Variants in PLXNA2 observed in about 807,000 individuals in gnomAD.
The protein encoded by PLXNA2 is plexin A2.
A neutral mutation model predicts 193.5 loss-of-function variants in PLXNA2; 91 were observed. The ratio of observed to expected loss-of-function variants is 0.47; its 90% CI spans 0.40 to 0.56. The LOEUF (loss-of-function observed/expected upper bound fraction) is 0.56, where lower values mean the gene tolerates loss of function less well. Among genes scored for constraint, PLXNA2 ranks in the 20% least tolerant of loss-of-function variants. The pLI is 0.00. For missense variants in PLXNA2, 1,995 were observed against 2,503.2 expected (o/e 0.80, Z 4.33); for synonymous variants, 997 against 1,027.3 (o/e 0.97, Z 0.56).
chr1:208,033,136 T>C (rs1664558924), intron 28 of PLXNA2, among the ~76,000 whole-genome samples, 183 bp downstream of exon 28: 1 of 151,660 alleles, frequency 6.6e-6, no homozygotes, highest in African/African-American at 2.4e-5. Context: ...GCTCAAGGCA[T>C]CCTTCTGCCT....
intron 1 of PLXNA2, among the ~76,000 whole-genome samples, chr1:208,238,880 T>C (rs1220532654): frequency 6.6e-6 from 1 of 152,220 alleles, no homozygotes; most frequent in African/African-American, 2.4e-5. Context: ...AAGGGCCTTT[T>C]GGCGGGCCAG....
intron 4 of PLXNA2, among the ~76,000 whole-genome samples, chr1:208,105,199 G>A (rs1383827767): frequency 1.3e-5 from 2 of 152,186 alleles, no homozygotes; most frequent in East Asian, 1.9e-4. Context: ...ATGAACCTGG[G>A]ATGTTTATTT....
chr1:208,039,635 CG>C lies in PLXNA2; in HGVS notation c.4485del (p.Ile1495MetfsTer6), dbSNP rs1265008454. 1 of 1,613,854 alleles carries C rather than the reference CG, an allele frequency of 6.2e-7. No individual in the cohort carries two copies. Among genetic ancestry groups the C allele is most frequent in the Non-Finnish European group, 8.5e-7 (1 of 1,180,054 alleles). Reference protein sequence around the residue: ...LSEDKLIRQQIEYKTLILNCV... With the variant: ...LSEDKLIRQQXEYKTLILNCV... ...GGCTTCCTCACCAGGGTCTTGTACT[CG>C]ATCTGCTGCCGGATGAGCTTGTCCT... On this transcript the variant is annotated frameshift_variant, in exon 24 of 32. Coordinates refer to ENST00000367033, the MANE Select transcript of PLXNA2 (RefSeq NM_025179.4). LOFTEE classifies it high-confidence loss of function.
intron 3 of PLXNA2, among the ~76,000 whole-genome samples, chr1:208,170,464 A>C (rs1669460299): frequency 6.6e-6 from 1 of 152,192 alleles, no homozygotes; most frequent in Non-Finnish European, 1.5e-5. Context: ...GAGGAGAGGC[A>C]CAGCCACCCA....
At position 208,039,255 on chromosome 1, in the gene PLXNA2, T is replaced by G. The variant is rs182149089; in HGVS notation, c.4501-271A>C. ...CTTAGGGGAGACTATAGTCCTGGAATGAGGCACCCTCAGTGTTTAGAGATG... is the reference window on the plus strand; with the variant it reads ...CTTAGGGGAGACTATAGTCCTGGAAGGAGGCACCCTCAGTGTTTAGAGATG... On this transcript the variant is annotated intron_variant, in intron 24 of 31. Coordinates refer to ENST00000367033, the MANE Select transcript of PLXNA2 (RefSeq NM_025179.4). 1.8e-4 allele frequency among the ~76,000 whole-genome samples: 28 copies of G among 152,298 alleles called. No homozygotes were observed. The East Asian group carries it at 5.0e-3, about 27-fold the overall frequency.
At chr1:208,069,685 T>C (rs1665919371) in intron 12 of PLXNA2, among the ~76,000 whole-genome samples, 1 of 152,080 alleles carries the variant, frequency 6.6e-6, no homozygotes, top group Non-Finnish European at 1.5e-5. Flanking sequence ...GAGTAGGGGC[T>C]TATCGGGGCA....
intron 3 of PLXNA2, among the ~76,000 whole-genome samples, chr1:208,164,642 A>G (rs1394819635): frequency 6.6e-6 from 1 of 152,226 alleles, no homozygotes; most frequent in African/African-American, 2.4e-5. Flanking sequence ...GAAAACACCT[A>G]AGATAGAGAA....
chr1:208,229,963 T>G (rs932892774), intron 1 of PLXNA2, among the ~76,000 whole-genome samples: 1 of 152,234 alleles, frequency 6.6e-6, no homozygotes, highest in African/African-American at 2.4e-5. Flanking sequence ...TCAAGTCTCA[T>G]TCTATCACTT....
intron 29 of PLXNA2, chr1:208,031,092 G>A (rs927181202): frequency 2.0e-6 from 2 of 995,088 alleles, no homozygotes; most frequent in African/African-American, 1.7e-5. Flanking sequence ...CAAGTCTATA[G>A]CAGGTGTGAA....
chr1:208,219,836 G>A (rs927355232), intron 1 of PLXNA2, among the ~76,000 whole-genome samples: 4 of 152,166 alleles, frequency 2.6e-5, no homozygotes, highest in African/African-American at 9.7e-5. Context: ...GCTGACCTCA[G>A]CTACTCCGAC....
At position 208,142,431 on chromosome 1, in the gene PLXNA2, G is replaced by A. The variant is rs1255091731; in HGVS notation, c.1404C>T (p.Val468=). Residue 468 remains valine, a synonymous_variant, in exon 4 of 32, where the codon GTC becomes GTT. Coordinates refer to ENST00000367033, the MANE Select transcript of PLXNA2 (RefSeq NM_025179.4). ...IRADGPPHGG[V]QYEMVSVLKD... ...TGAGCACAGAGACCATCTCGTACTGGACCCCACCATGGGGGGGACCGTCGG... is the reference window on the plus strand; with the variant it reads ...TGAGCACAGAGACCATCTCGTACTGAACCCCACCATGGGGGGGACCGTCGG... 6.2e-7 allele frequency: 1 copy of A among 1,612,688 alleles called. No individual in the cohort carries two copies. Among genetic ancestry groups the A allele is most frequent in the Non-Finnish European group, 8.5e-7 (1 of 1,179,624 alleles).
Position 208,065,260 on chromosome 1 carries a change from C to T in PLXNA2, c.2587-4423G>A, listed in dbSNP as rs1176049465. Among the ~76,000 whole-genome samples the T allele has an allele frequency of 2.6e-5, 4 of 152,178 alleles. No individual in the cohort carries two copies. The South Asian group carries it at 6.2e-4, about 24-fold the overall frequency. On this transcript the variant is annotated intron_variant, in intron 12 of 31. Transcript: ENST00000367033. ...GTTTCAGATAGCTCTATGCTGCTGGCTACAGTCGGATAGGGAAGAAAGACC... is the reference window on the plus strand; with the variant it reads ...GTTTCAGATAGCTCTATGCTGCTGGTTACAGTCGGATAGGGAAGAAAGACC...
intron 12 of PLXNA2, among the ~76,000 whole-genome samples, chr1:208,071,250 G>A (rs1268388967): frequency 1.3e-5 from 2 of 152,240 alleles, no homozygotes; most frequent in Non-Finnish European, 2.9e-5. Context: ...TTCATACTCT[G>A]TATTAAAAGC....
rs1389928044 is a variant in PLXNA2, at chr1:208,060,474, A to G, written c.2738+212T>C. 5.9e-5 allele frequency among the ~76,000 whole-genome samples: 9 copies of G among 152,164 alleles called. 1 individual carries two copies. In the South Asian group the frequency reaches 1.2e-3, roughly 21 times the overall value. On this transcript the variant is annotated intron_variant, in intron 13 of 31. Transcript: ENST00000367033. ...TCAGGGCCGGAGCCCTGATGCCAGAAGAGTCAGGGAACAGGGAATCAAACA... is the reference window on the plus strand; with the variant it reads ...TCAGGGCCGGAGCCCTGATGCCAGAGGAGTCAGGGAACAGGGAATCAAACA...
chr1:208,102,534 C>G (rs188136865), intron 5 of PLXNA2, among the ~76,000 whole-genome samples: 10 of 152,340 alleles, frequency 6.6e-5, no homozygotes, highest in African/African-American at 1.9e-4. Context: ...ATAATGAGAC[C>G]AGAAGGGTCC....
Position 208,210,421 on chromosome 1 carries a change from G to A in PLXNA2, c.1230C>T (p.Asn410=). ...IDDNFCGLDI[N]QPLGGSTPVE... ...CTGGAGTTGAGCCTCCCAGGGGCTG[G>A]TTGATGTCCAGTCCACAGAAGTTAT... The change falls in exon 3 of 32, where the codon AAC becomes AAT. Residue 410 remains asparagine, a synonymous_variant. Transcript: ENST00000367033. 3 of 1,613,942 alleles carry A rather than the reference G, an allele frequency of 1.9e-6. No individual in the cohort carries two copies. Among genetic ancestry groups the A allele is most frequent in the Non-Finnish European group, 2.5e-6 (3 of 1,179,926 alleles).
chr1:208,150,319 T>C (rs1668719639), intron 3 of PLXNA2, among the ~76,000 whole-genome samples: 1 of 152,134 alleles, frequency 6.6e-6, no homozygotes, highest in African/African-American at 2.4e-5. Flanking sequence ...TTTCTGTCCA[T>C]GTTAAGAGTC....
chr1:208,044,802 C>T lies in PLXNA2; in HGVS notation c.3640-60G>A. On this transcript the variant is annotated intron_variant, in intron 19 of 31. Transcript: ENST00000367033. This position sits in a 1 kb window ranked among gnomAD's most constrained non-coding sequence, Gnocchi z 4.9. ...CACACAGGTGTAGAGCCCGGGCATG[C>T]CAGCAGATCCTTACAGTGCGAGGAA... 8.2e-6 allele frequency: 11 copies of T among 1,334,720 alleles called. No individual in the cohort carries two copies. Among genetic ancestry groups the T allele is most frequent in the Non-Finnish European group, 1.2e-5 (11 of 945,674 alleles). The allele number at this position is 1,334,720 out of a possible 1,614,324, so 82.7% of individuals were successfully genotyped here.
At chr1:208,143,457 T>G (rs1028251436) in intron 3 of PLXNA2, among the ~76,000 whole-genome samples, 2 of 152,250 alleles carry the variant, frequency 1.3e-5, no homozygotes, top group Non-Finnish European at 2.9e-5. Context: ...AAGTACTATC[T>G]AGGCCCTTAT....
Sources: allele counts gnomAD v4.1 joint callset (sites outside exome capture counted in the v4.1 genomes callset), GRCh38; gene constraint gnomAD v4.1.1; non-coding constraint Gnocchi (gnomAD v3.1); transcripts MANE v1.5; gene names NCBI Gene and HGNC (gene_info 2026-07-23, HGNC 2026-07-21).